Variants in ACOT7 observed in about 807,000 individuals in gnomAD.
ACOT7 encodes the protein cytosolic acyl coenzyme A thioester hydrolase.
In ACOT7, 12 loss-of-function variants were observed where a neutral mutation model predicts 40.2. The ratio of observed to expected loss-of-function variants is 0.30; its 90% confidence interval spans 0.19 to 0.48. The LOEUF (loss-of-function observed/expected upper bound fraction) is 0.48. Among genes scored for constraint, ACOT7 ranks in the 20% least tolerant of loss-of-function variants. The pLI is 0.99. For synonymous variants in ACOT7, 228 were observed against 219.5 expected, an observed-to-expected ratio of 1.04 and a Z score of -0.34; for missense variants, 395 against 530.8, an observed-to-expected ratio of 0.74 and a Z score of 2.51.
At chr1:6,277,246 G>A (rs1639222721) in intron 8 of ACOT7, among the ~76,000 whole-genome samples, 2 of 152,234 alleles carry the variant, frequency 1.3e-5, no homozygotes, top group African/African-American at 4.8e-5. Context: ...GAGTGCTGGG[G>A]TAGGTGCAGT....
intron 8 of ACOT7, among the ~76,000 whole-genome samples, chr1:6,266,726 G>A (rs1226735937): frequency 6.6e-6 from 1 of 152,280 alleles, no homozygotes; most frequent in Non-Finnish European, 1.5e-5. Context: ...GCAGCTTCTT[G>A]TCTGCCTGCA....
At position 6,385,546 on chromosome 1, in the gene ACOT7, C is replaced by T. The variant is rs558396989; in HGVS notation, c.143+7711G>A. The T allele has an allele frequency of 5.6e-6, 9 of 1,612,324 alleles. No homozygotes were observed. The highest frequency in any genetic ancestry group is 1.7e-4 in the Middle Eastern group (1 of 6,060). ...GGGAGATCAGCCCTGGGCCCAACCACCTGGACGGGAGCGCAGCACCCTCGC... is the reference window on the plus strand; with the variant it reads ...GGGAGATCAGCCCTGGGCCCAACCATCTGGACGGGAGCGCAGCACCCTCGC... On this transcript the variant is annotated intron_variant, in intron 1 of 8. Coordinates refer to ENST00000361521, the MANE Select transcript of ACOT7 (RefSeq NM_007274.4).
Position 6,290,468 on chromosome 1 carries a change from G to C in ACOT7, c.829+4396C>G, listed in dbSNP as rs77988231. Among the ~76,000 whole-genome samples, 3 of 152,290 alleles carry C rather than the reference G, an allele frequency of 2.0e-5. No individual in the cohort carries two copies. In the East Asian group the frequency reaches 5.8e-4, roughly 29 times the overall value. On this transcript the variant is annotated intron_variant, in intron 7 of 8. Coordinates refer to ENST00000361521, the MANE Select transcript of ACOT7 (RefSeq NM_007274.4). ...CACATGAGGGGCACGGGCTGTGACCGGCTGCCATGGCCCTGCTGTGCCCTC... is the reference window on the plus strand; with the variant it reads ...CACATGAGGGGCACGGGCTGTGACCCGCTGCCATGGCCCTGCTGTGCCCTC...
chr1:6,369,767 A>G (rs1470718373), intron 1 of ACOT7, among the ~76,000 whole-genome samples: 1 of 151,678 alleles, frequency 6.6e-6, no homozygotes, highest in African/African-American at 2.4e-5. Context: ...TTTTGTAGAG[A>G]CAGGATTTCA....
At chr1:6,327,539 G>A in intron 4 of ACOT7, 126 bp from the exon 5 acceptor site, 1 of 730,922 alleles carries the variant, frequency 1.4e-6, no homozygotes, top group Non-Finnish European at 2.3e-6. Flanking sequence ...GTTCATGTGT[G>A]TTTTAATATA....
In ACOT7 at chr1:6,295,846, G is replaced by A. The variant is rs905693557; in HGVS notation, c.713-866C>T. On this transcript the variant is annotated intron_variant, in intron 6 of 8. Transcript: ENST00000361521. ...GTAATGACAATGGTCTCAAATTGAC[G>A]GCAATAGTAGTTGCACAACTCTGTG... 2.6e-5 allele frequency among the ~76,000 whole-genome samples: 4 copies of A among 151,816 alleles called. No homozygotes were observed. In the South Asian group the frequency reaches 8.3e-4, roughly 32 times the overall value.
intron 2 of ACOT7, among the ~76,000 whole-genome samples, chr1:6,348,760 C>T (rs1259431886): frequency 2.0e-5 from 3 of 152,222 alleles, no homozygotes; most frequent in Non-Finnish European, 4.4e-5. Flanking sequence ...GTCTTAGTTC[C>T]GGCAGCCCAG....
At chr1:6,298,054 G>T (rs527577272) in intron 6 of ACOT7, among the ~76,000 whole-genome samples, 2 of 152,274 alleles carry the variant, frequency 1.3e-5, no homozygotes, top group African/African-American at 4.8e-5. Context: ...CCAGGTTCAC[G>T]CTCGCTGCAC....
chr1:6,384,543 TG>T (rs1439338146), intron 1 of ACOT7, among the ~76,000 whole-genome samples: 2 of 151,896 alleles, frequency 1.3e-5, no homozygotes, highest in Non-Finnish European at 2.9e-5. Context: ...ATAACAAACA[TG>T]GGTGTCTCTT....
intron 4 of ACOT7, among the ~76,000 whole-genome samples, chr1:6,331,148 C>A (rs1041201513): frequency 2.0e-5 from 3 of 152,124 alleles, no homozygotes; most frequent in Non-Finnish European, 4.4e-5. Flanking sequence ...AGAGAACAGC[C>A]CCACAAGAAC....
At chr1:6,284,392 C>T (rs1269508445) in intron 7 of ACOT7, among the ~76,000 whole-genome samples, 2 of 152,038 alleles carry the variant, frequency 1.3e-5, no homozygotes, top group Non-Finnish European at 2.9e-5. Context: ...GCCTGACCAA[C>T]ATGGTGAAAC....
At chr1:6,292,093 T>C (rs559964697) in intron 7 of ACOT7, among the ~76,000 whole-genome samples, 18 of 152,358 alleles carry the variant, frequency 1.2e-4, no homozygotes, top group African/African-American at 4.3e-4. Flanking sequence ...GGCCCCTGGA[T>C]GTGACAGAGT....
At chr1:6,309,852 A>T (rs1640282439) in intron 6 of ACOT7, among the ~76,000 whole-genome samples, 1 of 152,240 alleles carries the variant, frequency 6.6e-6, no homozygotes, top group African/African-American at 2.4e-5. Context: ...TAATAATAAA[A>T]CTAATAAAGT....
chr1:6,295,642 C>T (rs926498244), intron 6 of ACOT7: 4 of 152,206 alleles, frequency 2.6e-5, no homozygotes, highest in East Asian at 1.9e-4. Context: ...AGCTTGAAAA[C>T]GCTATGCAAG....
At chr1:6,380,887 A>G (rs1642321655) in intron 1 of ACOT7, among the ~76,000 whole-genome samples, 1 of 151,912 alleles carries the variant, frequency 6.6e-6, no homozygotes, top group Admixed American at 6.5e-5. Flanking sequence ...ATTGTATGTC[A>G]TAAGAACTTT....
At position 6,354,501 on chromosome 1, in the gene ACOT7, G is replaced by C. The variant is rs971687262; in HGVS notation, c.144-4635C>G. Reference sequence around the variant, plus strand: ...GACGCAGCTGTCATGCAGGGCCTCAGGGCTGAGACAAAGTCTGGATCCATC... The same window carrying C: ...GACGCAGCTGTCATGCAGGGCCTCACGGCTGAGACAAAGTCTGGATCCATC... On this transcript the variant is annotated intron_variant, in intron 1 of 8. Coordinates refer to ENST00000361521, the MANE Select transcript of ACOT7 (RefSeq NM_007274.4). Among the ~76,000 whole-genome samples the C allele has an allele frequency of 1.3e-5, 2 of 152,244 alleles. 1 individual carries two copies. The highest frequency in any genetic ancestry group is 4.8e-5 in the African/African-American group (2 of 41,456).
At chr1:6,316,977 T>G (rs933175734) in intron 6 of ACOT7, among the ~76,000 whole-genome samples, 1 of 152,188 alleles carries the variant, frequency 6.6e-6, no homozygotes, top group African/African-American at 2.4e-5. Flanking sequence ...GAAATATAAA[T>G]GTAAGCCAGC....
At position 6,274,700 on chromosome 1, in the gene ACOT7, T is replaced by C. The variant is rs998096407; in HGVS notation, c.1014+6402A>G. Among the ~76,000 whole-genome samples the C allele has an allele frequency of 9.2e-5, 14 of 152,082 alleles. No homozygotes were observed. The highest frequency in any genetic ancestry group is 3.4e-4 in the African/African-American group (14 of 41,418). On this transcript the variant is annotated intron_variant, in intron 8 of 8. Transcript: ENST00000361521. This position sits in a 1 kb window ranked among gnomAD's most constrained non-coding sequence, Gnocchi z 5.9. ...CAAACTGGAGTGGAAAACTTTCCAC[T>C]AAAATGTGCCCCAACCCCCACACTC...
chr1:6,302,483 C>T (rs940655062), intron 6 of ACOT7, among the ~76,000 whole-genome samples: 3 of 152,056 alleles, frequency 2.0e-5, no homozygotes, highest in Non-Finnish European at 4.4e-5. Context: ...GAAACCCACC[C>T]GAGAAGACGG....
Sources: allele counts gnomAD v4.1 joint callset (sites outside exome capture counted in the v4.1 genomes callset), GRCh38; gene constraint gnomAD v4.1.1; non-coding constraint Gnocchi (gnomAD v3.1); transcripts MANE v1.5; gene names NCBI Gene and HGNC (gene_info 2026-07-23, HGNC 2026-07-21).